Variants in TPGS2 observed in about 807,000 individuals in gnomAD.
TPGS2 encodes the protein polyglutamylase subunit 2.
A neutral mutation model predicts 31.1 loss-of-function variants in TPGS2; 26 were observed. The ratio of observed to expected loss-of-function variants is 0.84; its 90% CI spans 0.61 to 1.16. The LOEUF (loss-of-function observed/expected upper bound fraction) is 1.16. Ranked by LOEUF, TPGS2 falls within the 50% of genes most tolerant of loss-of-function variation. The pLI is 0.00. For missense variants in TPGS2, 351 were observed against 363.8 expected (o/e 0.96, Z 0.29); for synonymous variants, 130 against 136.6 (o/e 0.95, Z 0.34).
In TPGS2 at chr18:36,828,996, C is replaced by A; in HGVS notation, c.-229G>T. 1.8e-6 allele frequency: 2 copies of A among 1,133,986 alleles called. No individual in the cohort carries two copies. The highest frequency in any genetic ancestry group is 3.0e-5 in the East Asian group (1 of 33,732). 70.2% of individuals were successfully genotyped at this position (1,133,986 alleles called of 1,614,324 possible). On this transcript the variant is annotated 5_prime_UTR_variant, in exon 1 of 7. Transcript: ENST00000334295. Reference sequence around the variant, plus strand: ...ACCGCACCTCCGGGACGTAGCTTCCCCTTCGCCCCCACCCTCTCGCCCCGC... The same window carrying A: ...ACCGCACCTCCGGGACGTAGCTTCCACTTCGCCCCCACCCTCTCGCCCCGC...
intron 2 of TPGS2, among the ~76,000 whole-genome samples, chr18:36,812,057 G>A (rs1317767508): frequency 2.0e-5 from 3 of 152,156 alleles, no homozygotes; most frequent in Non-Finnish European, 4.4e-5. Context: ...CTGTTAAAAG[G>A]TGACAGATAT....
intron 2 of TPGS2, chr18:36,818,611 C>T (rs903032954): frequency 3.0e-6 from 1 of 332,766 alleles, no homozygotes; most frequent in African/African-American, 2.0e-5. Context: ...AACACATATC[C>T]TTTCTTTTCC....
chr18:36,781,737 G>T (rs1311857111), downstream of TPGS2: 12 of 983,660 alleles, frequency 1.2e-5, no homozygotes, highest in African/African-American at 1.7e-5. Context: ...AAAAGCCAAA[G>T]ACTATATTTT....
At chr18:36,800,108 G>T in intron 5 of TPGS2, 90 bp downstream of exon 5, 1 of 1,125,802 alleles carries the variant, frequency 8.9e-7, no homozygotes. Flanking sequence ...AGAGGCCAAG[G>T]AGGTATGTGT....
rs1442171326 is a variant in TPGS2, at chr18:36,800,238, G to T, written c.456C>A (p.Gly152=). The change falls in exon 5 of 7, where the codon GGC becomes GGA. Residue 152 remains glycine, a synonymous_variant. Transcript: ENST00000334295. The part of the protein sequence containing the change: ...SVIFELDSCN[G]SGKVCLVYKS... ...TGTAGACAAGGCAAACTTTCCCACT[G>T]CCATTGCATGAATCCAGCTCAAATA... is the stretch of plus-strand genomic sequence containing the variant. 6.2e-7 allele frequency: 1 copy of T among 1,614,096 alleles called. No homozygotes were observed. Among genetic ancestry groups the T allele is most frequent in the East Asian group, 2.2e-5 (1 of 44,874 alleles).
Position 36,800,109 on chromosome 18 carries a change from A to C in TPGS2, c.496+89T>G, listed in dbSNP as rs2044729886. 2.7e-6 allele frequency: 3 copies of C among 1,129,428 alleles called. No homozygotes were observed. In the Admixed American group the frequency reaches 5.7e-5, roughly 22 times the overall value. The allele number at this position is 1,129,428 out of a possible 1,614,324, so 70.0% of individuals were successfully genotyped here. A position where few individuals can be genotyped will look rare whatever the true frequency, so the allele number is the denominator to read the frequency against. ...CTGGGAGCATCTCAAGAGGCCAAGG[A>C]GGTATGTGTCTCCTGAGCCATGGCT... On this transcript the variant is annotated intron_variant, in intron 5 of 6. Coordinates refer to ENST00000334295, the MANE Select transcript of TPGS2 (RefSeq NM_015476.4).
downstream of TPGS2, among the ~76,000 whole-genome samples, chr18:36,792,350 C>A (rs549012203): frequency 9.2e-5 from 14 of 152,152 alleles, no homozygotes; most frequent in African/African-American, 3.4e-4. Flanking sequence ...AATTGATGAA[C>A]CTGGATGATG....
intron 1 of TPGS2, 133 bp from the exon 2 acceptor site, chr18:36,819,106 TA>T (rs2045787619): frequency 1.4e-6 from 1 of 699,962 alleles, no homozygotes; most frequent in Admixed American, 2.9e-5. Flanking sequence ...ATTACCCCTG[TA>T]ATGAAAGCAG....
intron 4 of TPGS2, among the ~76,000 whole-genome samples, chr18:36,802,635 T>C (rs1271172): frequency 6.6e-6 from 1 of 152,170 alleles, no homozygotes; most frequent in African/African-American, 2.4e-5. Context: ...GGATCTCTTT[T>C]GCTACTTTTT....
rs567207731 is a variant in TPGS2 at position 36,801,338 on chromosome 18, T to C, written c.383-1027A>G. Among the ~76,000 whole-genome samples the C allele has an allele frequency of 7.2e-5, 11 of 152,292 alleles. No homozygotes were observed. The East Asian group carries it at 2.1e-3, about 29-fold the overall frequency. ...AGAATTCTAGGTTTATTTTATTTTA[T>C]TTTTTTGAGACAGACAGGGTCTCCA... On this transcript the variant is annotated intron_variant, in intron 4 of 6. Coordinates refer to ENST00000334295, the MANE Select transcript of TPGS2 (RefSeq NM_015476.4).
intron 1 of TPGS2, among the ~76,000 whole-genome samples, chr18:36,823,124 C>T (rs2045965084): frequency 6.6e-6 from 1 of 152,214 alleles, no homozygotes; most frequent in African/African-American, 2.4e-5. Flanking sequence ...TTCTGTAGCT[C>T]ACAAGCCTGG....
chr18:36,786,613 C>CA, intron 6 of TPGS2: 1 of 375,488 alleles, frequency 2.7e-6, no homozygotes, highest in Non-Finnish European at 4.7e-6. Context: ...CTTATTGTCA[C>CA]AAAGTTGTTC....
At chr18:36,818,434 C>T (rs920094900) in intron 2 of TPGS2, 2 of 152,322 alleles carry the variant, frequency 1.3e-5, no homozygotes, top group African/African-American at 2.4e-5. Context: ...ACCATTTAAT[C>T]CCCAGGGCTC....
chr18:36,783,146 A>C, intron 6 of TPGS2: 1 of 398,450 alleles, frequency 2.5e-6, no homozygotes. Flanking sequence ...AAGAAAAATC[A>C]ATTTGCGTTG....
intron 1 of TPGS2, among the ~76,000 whole-genome samples, chr18:36,822,103 T>C (rs1356092942): frequency 6.6e-6 from 1 of 152,218 alleles, no homozygotes; most frequent in Non-Finnish European, 1.5e-5. Flanking sequence ...GCAGTAACAA[T>C]TTTTGATTCC....
At position 36,828,753 on chromosome 18, in the gene TPGS2, T is replaced by TGCC. The variant is rs2046325038; in HGVS notation, c.12_14dup (p.Ala5dup). 2 of 1,613,798 alleles carry TGCC rather than the reference T, an allele frequency of 1.2e-6. No individual in the cohort carries two copies. Among genetic ancestry groups the TGCC allele is most frequent in the East Asian group, 4.5e-5 (2 of 44,804 alleles). On this transcript the variant is annotated inframe_insertion, in exon 1 of 7. Coordinates refer to ENST00000334295, the MANE Select transcript of TPGS2 (RefSeq NM_015476.4). Reference sequence around the variant, plus strand: ...TGCTGCAGCCCAGCCCCGGGGACGATGCCTCCTCCTCCATGGCTCGCGACC... The same window carrying TGCC: ...TGCTGCAGCCCAGCCCCGGGGACGATGCCGCCTCCTCCTCCATGGCTCGCGACC...
Position 36,795,189 on chromosome 18 carries a change from T to G in TPGS2, c.*1616A>C. On this transcript the variant is annotated 3_prime_UTR_variant, in exon 7 of 7. Coordinates refer to ENST00000334295, the MANE Select transcript of TPGS2 (RefSeq NM_015476.4). Reference sequence around the variant, plus strand: ...GAATATCTATCACTATTGTCAACAATCAAAATAAACATGTTTCAGAGCAAA... The same window carrying G: ...GAATATCTATCACTATTGTCAACAAGCAAAATAAACATGTTTCAGAGCAAA... The G allele has an allele frequency of 1.0e-6, 1 of 985,346 alleles. No homozygotes were observed. The highest frequency in any genetic ancestry group is 4.7e-5 in the South Asian group (1 of 21,288). 61.0% of individuals were successfully genotyped at this position (985,346 alleles called of 1,614,324 possible).
chr18:36,799,541 T>C (rs1274106595), intron 5 of TPGS2, among the ~76,000 whole-genome samples: 1 of 152,188 alleles, frequency 6.6e-6, no homozygotes, highest in Non-Finnish European at 1.5e-5. Flanking sequence ...CCACCCGGTA[T>C]CTAATTCCTA....
intron 1 of TPGS2, among the ~76,000 whole-genome samples, chr18:36,822,165 T>G (rs960968736): frequency 2.6e-5 from 4 of 152,248 alleles, no homozygotes; most frequent in Admixed American, 2.6e-4. Flanking sequence ...CTGGTTGTTT[T>G]GCCAACGTGA....
Sources: allele counts gnomAD v4.1 joint callset (sites outside exome capture counted in the v4.1 genomes callset), GRCh38; gene constraint gnomAD v4.1.1; transcripts MANE v1.5; gene names NCBI Gene and HGNC (gene_info 2026-07-23, HGNC 2026-07-21).